Variants in TXLNB observed in about 807,000 individuals in gnomAD.
TXLNB encodes the protein taxilin beta.
In TXLNB, 37 loss-of-function variants were observed where a neutral mutation model predicts 57.4. The observed-to-expected ratio is 0.64, with a 90% confidence interval of 0.50 to 0.85. The LOEUF (loss-of-function observed/expected upper bound fraction) is 0.85. Among genes scored for constraint, TXLNB ranks in the 40% least tolerant of loss-of-function variants. The probability of loss-of-function intolerance (pLI) is 0.00; values close to 1 mark genes in which losing one functional copy is unlikely to be tolerated. For synonymous variants in TXLNB, 302 were observed against 309.6 expected (o/e 0.98, Z 0.26); for missense variants, 848 against 825.6 (o/e 1.03, Z -0.33).
chr6:139,177,329 G>A, the TXLNB span: 2 of 365,426 alleles, frequency 5.5e-6, no homozygotes, highest in Non-Finnish European at 9.9e-6. This position sits in a 1 kb window ranked among gnomAD's most constrained non-coding sequence, Gnocchi z 4.9. Context: ...TGTGCATTTG[G>A]GTTGGGGTTC....
intron 5 of TXLNB, 123 bp from the exon 6 acceptor site, chr6:139,260,560 A>T: frequency 9.4e-7 from 1 of 1,061,370 alleles, no homozygotes. Context: ...GAGAGGGATA[A>T]ATGCATTGGC....
chr6:139,275,871 T>A (rs1776882147), intron 3 of TXLNB, among the ~76,000 whole-genome samples: 1 of 152,218 alleles, frequency 6.6e-6, no homozygotes, highest in Non-Finnish European at 1.5e-5. Flanking sequence ...TTAAGCTTCC[T>A]CAGCTGCAAT....
the TXLNB span, among the ~76,000 whole-genome samples, chr6:139,212,265 C>G: frequency 1.3e-5 from 2 of 152,218 alleles, no homozygotes; most frequent in African/African-American, 2.4e-5. Flanking sequence ...GCCCATCAGA[C>G]TAACAGCTGA....
chr6:139,181,089 T>C, the TXLNB span, among the ~76,000 whole-genome samples: 1 of 151,506 alleles, frequency 6.6e-6, no homozygotes, highest in East Asian at 1.9e-4. Context: ...GGAATTCTAT[T>C]ATTTGATAGA....
At chr6:139,177,157 C>A in the TXLNB span, 1 of 732,140 alleles carries the variant, frequency 1.4e-6, no homozygotes, top group South Asian at 1.7e-5. This position sits in a 1 kb window ranked among gnomAD's most constrained non-coding sequence, Gnocchi z 4.9. Flanking sequence ...TACTTTATTA[C>A]ATATCTTTTA....
chr6:139,280,908 T>C (rs1777031205), intron 2 of TXLNB, among the ~76,000 whole-genome samples: 1 of 152,134 alleles, frequency 6.6e-6, no homozygotes, highest in Admixed American at 6.5e-5. Flanking sequence ...TTCCTGAGCA[T>C]CTATAGATAT....
At chr6:139,316,216 A>G in the TXLNB span, among the ~76,000 whole-genome samples, 1 of 152,220 alleles carries the variant, frequency 6.6e-6, no homozygotes, top group South Asian at 2.1e-4. Context: ...AGGGTCCTGA[A>G]CCTTCTCTTA....
the TXLNB span, chr6:139,174,553 A>G: frequency 6.2e-7 from 1 of 1,609,992 alleles, no homozygotes; most frequent in East Asian, 2.2e-5. Flanking sequence ...GGTACTGAAC[A>G]CACTGAGGGA....
At chr6:139,273,403 A>T (rs147207021) in intron 3 of TXLNB, among the ~76,000 whole-genome samples, 300 of 152,344 alleles carry the variant, frequency 2.0e-3, no homozygotes, top group South Asian at 7.1e-3. Context: ...GTGTTTCATA[A>T]ATTGGAAAGA....
rs1352027675 is a variant in TXLNB at position 139,255,554 on chromosome 6, C to G, written c.1077+10G>C. On this transcript the variant is annotated intron_variant, in intron 7 of 9. Coordinates refer to ENST00000358430, the MANE Select transcript of TXLNB (RefSeq NM_153235.4). ...GACAGCACCCCCATGCCTCGTCCACCTGGCCTCACCTGAGCCTGCAGGACT... is the reference window on the plus strand; with the variant it reads ...GACAGCACCCCCATGCCTCGTCCACGTGGCCTCACCTGAGCCTGCAGGACT... 2 of 1,613,548 alleles carry G rather than the reference C, an allele frequency of 1.2e-6. No homozygotes were observed. Among genetic ancestry groups the G allele is most frequent in the Admixed American group, 3.3e-5 (2 of 60,010 alleles).
At chr6:139,183,555 T>A in the TXLNB span, 1 of 152,226 alleles carries the variant, frequency 6.6e-6, no homozygotes, top group Non-Finnish European at 1.5e-5. Flanking sequence ...GGGGCCTATA[T>A]GAATGGCACT....
chr6:139,270,139 T>C (rs1776720624), intron 4 of TXLNB, among the ~76,000 whole-genome samples: 2 of 152,094 alleles, frequency 1.3e-5, no homozygotes, highest in Admixed American at 6.6e-5. Flanking sequence ...CTCAACATAA[T>C]AGAAAGGTAA....
At chr6:139,298,690 T>C in the TXLNB span, among the ~76,000 whole-genome samples, 1 of 152,128 alleles carries the variant, frequency 6.6e-6, no homozygotes, top group Admixed American at 6.5e-5. Context: ...AGCAAGAGGA[T>C]GTGAAGGTCA....
rs1196099607 is a variant in TXLNB, at chr6:139,242,893, G to A, written c.1688C>T (p.Ala563Val). The change falls in exon 10 of 10, where the codon GCT becomes GTT. Residue 563 changes from alanine (A) to valine (V), a missense_variant. Transcript: ENST00000358430. ...ESPLPPLTPQ[A>V]EAEGGSDAEP... The stretch of plus-strand genomic sequence containing the variant: ...AGCATCACTGCCTCCTTCGGCTTCA[G>A]CCTGAGGAGTTAGGGGAGGCAGGGG... 3.7e-6 allele frequency: 6 copies of A among 1,614,190 alleles called. No individual in the cohort carries two copies. The Admixed American group carries it at 5.0e-5, about 13-fold the overall frequency.
At position 139,247,881 on chromosome 6, in the gene TXLNB, T is replaced by A. The variant is rs769377823; in HGVS notation, c.1106A>T (p.Glu369Val). 1.2e-6 allele frequency: 2 copies of A among 1,607,524 alleles called. No individual in the cohort carries two copies. The highest frequency in any genetic ancestry group is 1.7e-4 in the Middle Eastern group (1 of 6,038). ...QLTLYSGRFEEFQSTLTKSNE... is the reference protein window; with the variant it reads ...QLTLYSGRFEVFQSTLTKSNE... ...GCTTTTAGTTAGTGTGCTCTGGAAT[T>A]CTTCAAACCTTCCTGAGTAGAGAGT... is the stretch of plus-strand genomic sequence containing the variant. The change falls in exon 8 of 10, where the codon GAA becomes GTA. Residue 369 changes from glutamate to valine, a missense_variant. Transcript: ENST00000358430.
chr6:139,312,893 C>T, the TXLNB span, among the ~76,000 whole-genome samples: 1 of 152,126 alleles, frequency 6.6e-6, no homozygotes, highest in East Asian at 1.9e-4. Flanking sequence ...ACAAATCTTA[C>T]CCTTGTTTAC....
At chr6:139,217,008 C>A in the TXLNB span, among the ~76,000 whole-genome samples, 1 of 152,124 alleles carries the variant, frequency 6.6e-6, no homozygotes, top group Non-Finnish European at 1.5e-5. Flanking sequence ...ACCCCAAAAA[C>A]TATTGAAATA....
At chr6:139,301,527 T>G in the TXLNB span, among the ~76,000 whole-genome samples, 2 of 152,314 alleles carry the variant, frequency 1.3e-5, no homozygotes, top group African/African-American at 4.8e-5. Flanking sequence ...CCAGGAAATC[T>G]TCTATAGATG....
chr6:139,260,461 G>T, intron 5 of TXLNB, 24 bp from the exon 6 acceptor site: 1 of 1,608,612 alleles, frequency 6.2e-7, no homozygotes, highest in East Asian at 2.2e-5. Flanking sequence ...AGTGTACATA[G>T]AAAGCTTGGT....
Sources: allele counts gnomAD v4.1 joint callset (sites outside exome capture counted in the v4.1 genomes callset), GRCh38; gene constraint gnomAD v4.1.1; non-coding constraint Gnocchi (gnomAD v3.1); transcripts MANE v1.5; gene names NCBI Gene and HGNC (gene_info 2026-07-23, HGNC 2026-07-21).